The following FBN1 variants were observed in gnomAD, a reference collection of about 807,000 sequenced individuals.
FBN1 encodes the protein fibrillin-1.
Under a neutral mutation model 365.1 loss-of-function variants are expected in FBN1, and 29 were observed. The observed-to-expected ratio is 0.08, with a 90% CI of 0.06 to 0.11. FBN1 has a LOEUF of 0.11. Ranked by LOEUF, FBN1 falls within the 10% of genes least tolerant of loss-of-function variation. The pLI is 1.00. For synonymous variants in FBN1, 1,210 were observed against 1,270.5 expected (o/e 0.95, Z 1.01); for missense variants, 2,476 against 3,703.2 (o/e 0.67, Z 8.60).
chr15:48,621,855 G>A (rs540426263), intron 2 of FBN1, among the ~76,000 whole-genome samples: 44 of 151,520 alleles, frequency 2.9e-4, no homozygotes, highest in Non-Finnish European at 4.6e-4. Flanking sequence ...AAAATTAGCC[G>A]GGCGTGGTGG....
chr15:48,595,152 T>C (rs1293882390), intron 6 of FBN1, among the ~76,000 whole-genome samples: 1 of 152,222 alleles, frequency 6.6e-6, no homozygotes, highest in Non-Finnish European at 1.5e-5. Flanking sequence ...AATTTCTTGC[T>C]CAAATAGGTA....
At chr15:48,532,771 A>G (rs1231769409) in intron 8 of FBN1, among the ~76,000 whole-genome samples, 3 of 152,196 alleles carry the variant, frequency 2.0e-5, no homozygotes, top group Admixed American at 2.0e-4. Flanking sequence ...TTAGATCTAC[A>G]GTACAACTTC....
chr15:48,560,292 G>T (rs543135123), intron 6 of FBN1, among the ~76,000 whole-genome samples: 17 of 152,184 alleles, frequency 1.1e-4, no homozygotes, highest in Non-Finnish European at 2.4e-4. Flanking sequence ...ACCCTGGTTG[G>T]TGATGGGCTT....
intron 6 of FBN1, among the ~76,000 whole-genome samples, chr15:48,553,393 T>C (rs1326053885): frequency 6.6e-6 from 1 of 152,102 alleles, no homozygotes; most frequent in Non-Finnish European, 1.5e-5. Context: ...TCAATAAGAA[T>C]GGATTGAAAA....
chr15:48,610,901 A>G (rs1307264687), intron 3 of FBN1, 75 bp from the exon 4 acceptor site: 3 of 1,283,710 alleles, frequency 2.3e-6, no homozygotes, highest in African/African-American at 1.5e-5. Context: ...TCCTCAAATG[A>G]GGAAACCTGG....
chr15:48,452,313 A>T (rs1398507082), intron 45 of FBN1, among the ~76,000 whole-genome samples: 1 of 152,208 alleles, frequency 6.6e-6, no homozygotes, highest in Non-Finnish European at 1.5e-5. Flanking sequence ...CAAATACGAA[A>T]TCTATGTATG....
intron 6 of FBN1, among the ~76,000 whole-genome samples, chr15:48,585,453 T>A (rs955762523): frequency 1.3e-5 from 2 of 152,146 alleles, no homozygotes; most frequent in African/African-American, 2.4e-5. Context: ...TATAAATAAC[T>A]ACACTAATAT....
intron 6 of FBN1, among the ~76,000 whole-genome samples, chr15:48,547,242 C>A (rs970460812): frequency 6.6e-6 from 1 of 152,140 alleles, no homozygotes; most frequent in South Asian, 2.1e-4. Flanking sequence ...GGTTGAGATT[C>A]TTACTTCAAA....
chr15:48,612,052 G>T (rs1006176908), intron 3 of FBN1, among the ~76,000 whole-genome samples: 6 of 152,164 alleles, frequency 3.9e-5, no homozygotes, highest in Admixed American at 2.6e-4. Context: ...CTAAGAAAGG[G>T]TTCTATTATA....
In FBN1 at chr15:48,491,646, C is replaced by T. The variant is rs1057454891; in HGVS notation, c.2854+815G>A. ...GATTACAGGCGTGAGCCATCGCACC[C>T]GGCCCACTTTTTTAACTACCTACAA... On this transcript the variant is annotated intron_variant, in intron 24 of 65. Coordinates refer to ENST00000316623, the MANE Select transcript of FBN1 (RefSeq NM_000138.5). Among the ~76,000 whole-genome samples the T allele has an allele frequency of 2.4e-4, 36 of 149,390 alleles. 1 individual carries two copies. The highest frequency in any genetic ancestry group is 1.5e-3 in the Admixed American group (22 of 14,996).
At chr15:48,487,024 A>G (rs887944234) in intron 29 of FBN1, 51 bp downstream of exon 29, 8 of 1,278,490 alleles carry the variant, frequency 6.3e-6, no homozygotes, top group African/African-American at 3.2e-5. Context: ...ATAACATAAC[A>G]TAAAATAAAG....
intron 36 of FBN1, among the ~76,000 whole-genome samples, chr15:48,469,100 T>A (rs1317520726): frequency 2.0e-5 from 2 of 101,384 alleles, no homozygotes; most frequent in Admixed American, 9.8e-5. Context: ...ATATAAAATA[T>A]AATATATATT....
chr15:48,600,197 G>T lies in FBN1; in HGVS notation c.384C>A (p.Ser128Arg). 1 of 1,613,882 alleles carries T rather than the reference G, an allele frequency of 6.2e-7. No homozygotes were observed. The highest frequency in any genetic ancestry group is 8.5e-7 in the Non-Finnish European group (1 of 1,179,916). ...HCNIRCMNGG[S>R]CSDDHCLCQK... is the part of the protein sequence containing the mutation. ...GGCATAGACAGTGATCGTCACTGCA[G>T]CTACCTCCATTCATACAGCGAATAT... Residue 128 changes from serine to arginine, a missense_variant, in exon 5 of 66, where the codon AGC (serine) becomes AGA (arginine). Physicochemically the swap from Ser to Arg is moderately radical, Grantham distance 110. Transcript: ENST00000316623.
At chr15:48,592,568 T>G (rs2044485869) in intron 6 of FBN1, among the ~76,000 whole-genome samples, 1 of 152,066 alleles carries the variant, frequency 6.6e-6, no homozygotes. Context: ...GTGATTAAGT[T>G]CTACTAGTTG....
chr15:48,426,032 A>G (rs1385500593), intron 58 of FBN1, among the ~76,000 whole-genome samples, 168 bp from the exon 59 acceptor site: 13 of 152,248 alleles, frequency 8.5e-5, no homozygotes, highest in Non-Finnish European at 1.5e-5. Context: ...CAGTAGCTAT[A>G]TCAAAAGGTA....
chr15:48,622,790 G>A (rs908035933), intron 2 of FBN1, among the ~76,000 whole-genome samples: 15 of 151,846 alleles, frequency 9.9e-5, no homozygotes, highest in Non-Finnish European at 1.9e-4. Flanking sequence ...CTTCTTCACC[G>A]TCTCAGCCCT....
At chr15:48,486,515 C>T (rs2043507965) in intron 29 of FBN1, among the ~76,000 whole-genome samples, 1 of 152,148 alleles carries the variant, frequency 6.6e-6, no homozygotes, top group Admixed American at 6.6e-5. Flanking sequence ...AATTCTTGTC[C>T]CACAAAAACC....
chr15:48,543,882 C>T (rs1292372777), intron 6 of FBN1, among the ~76,000 whole-genome samples: 2 of 152,060 alleles, frequency 1.3e-5, no homozygotes, highest in Non-Finnish European at 2.9e-5. Context: ...GAGGTGACGT[C>T]TCATGATGTA....
At chr15:48,478,980 A>T (rs1325454933) in intron 32 of FBN1, among the ~76,000 whole-genome samples, 1 of 152,246 alleles carries the variant, frequency 6.6e-6, no homozygotes, top group African/African-American at 2.4e-5. Context: ...AAAATAGCAT[A>T]CATATTTTCA....
Sources: gnomAD v4.1 joint callset for allele counts (sites outside exome capture counted in the v4.1 genomes callset) on GRCh38, gnomAD v4.1.1 for gene constraint, MANE v1.5 for transcripts, NCBI Gene and HGNC (gene_info 2026-07-23, HGNC 2026-07-21) for gene names.